CACNA2D1: variants seen among roughly 807,000 people sequenced by gnomAD.
CACNA2D1 encodes voltage-dependent calcium channel subunit alpha-2/delta-1.
Under a neutral mutation model 171.5 loss-of-function variants are expected in CACNA2D1, and 53 were observed. The observed-to-expected ratio is 0.31, with a 90% CI of 0.25 to 0.39. The LOEUF is 0.39. Among genes scored for constraint, CACNA2D1 ranks in the 10% least tolerant of loss-of-function variants. The pLI is 1.00. For missense variants in CACNA2D1, 903 were observed against 1,299.8 expected (o/e 0.69, Z 4.69); for synonymous variants, 442 against 443.1 (o/e 1.00, Z 0.03).
At chr7:82,366,704 C>A (rs1477345611) in intron 1 of CACNA2D1, among the ~76,000 whole-genome samples, 2 of 152,006 alleles carry the variant, frequency 1.3e-5, no homozygotes, top group Non-Finnish European at 2.9e-5. Flanking sequence ...GTCTCTTTGG[C>A]AGAATGATTT....
Position 81,984,623 on chromosome 7 carries a change from C to G in CACNA2D1, c.1873+12G>C. The G allele has an allele frequency of 6.8e-7, 1 of 1,478,830 alleles. No homozygotes were observed. 91.6% of individuals were successfully genotyped at this position (1,478,830 alleles called of 1,614,324 possible). On this transcript the variant is annotated intron_variant, in intron 22 of 38. Coordinates refer to ENST00000356860, the MANE Select transcript of CACNA2D1 (RefSeq NM_000722.4). The stretch of plus-strand genomic sequence containing the variant: ...AACAAATGGACCCTGAAGTCACTTT[C>G]ACAGTACTTACATCTGGCCTGAGTT...
At chr7:82,024,314 T>C (rs1305365710) in intron 12 of CACNA2D1, among the ~76,000 whole-genome samples, 2 of 151,692 alleles carry the variant, frequency 1.3e-5, no homozygotes, top group African/African-American at 4.8e-5. Flanking sequence ...CCCCAACACT[T>C]GTCTTTTGTT....
chr7:82,222,561 A>C (rs1398574013), intron 3 of CACNA2D1, among the ~76,000 whole-genome samples: 2 of 152,150 alleles, frequency 1.3e-5, no homozygotes, highest in African/African-American at 2.4e-5. Flanking sequence ...TCCTAATTGT[A>C]ACAGAAGAGC....
chr7:82,003,105 C>G (rs1028967156), intron 18 of CACNA2D1, among the ~76,000 whole-genome samples: 1 of 152,026 alleles, frequency 6.6e-6, no homozygotes, highest in African/African-American at 2.4e-5. Flanking sequence ...TTGTATCAAT[C>G]TGTATAGCGT....
rs774565705 is a variant in CACNA2D1, at chr7:82,000,771, C to CTTTTTTTTTTTTTTTTTTTTT, written c.1591-3542_1591-3522dup. Among the ~76,000 whole-genome samples the CTTTTTTTTTTTTTTTTTTTTT allele has an allele frequency of 7.7e-5, 4 of 51,912 alleles. 1 individual carries two copies. Among genetic ancestry groups the CTTTTTTTTTTTTTTTTTTTTT allele is most frequent in the South Asian group, 9.6e-4 (1 of 1,040 alleles). The allele number at this position is 51,912 out of a possible 152,430, so 34.1% of individuals were successfully genotyped here. On this transcript the variant is annotated intron_variant, in intron 18 of 38. Transcript: ENST00000356860. Reference sequence around the variant, plus strand: ...TACCATGCCTAACTAATTTTTCTTTCTTTTTTTTTTTTTTTTTTTTTTTTT... The same window carrying CTTTTTTTTTTTTTTTTTTTTT: ...TACCATGCCTAACTAATTTTTCTTTCTTTTTTTTTTTTTTTTTTTTTTTTTTTTTTTTTTTTTTTTTTTTTT...
Position 82,400,848 on chromosome 7 carries a change from C to G in CACNA2D1, c.95+42517G>C, listed in dbSNP as rs1030377069. 2.0e-5 allele frequency among the ~76,000 whole-genome samples: 3 copies of G among 151,366 alleles called. No individual in the cohort carries two copies. The East Asian group carries it at 5.9e-4, about 30-fold the overall frequency. ...ATCCAGAATCTACAATGAACTCAAA[C>G]AAATTTACAAGAAAAAAACAAACAA... On this transcript the variant is annotated intron_variant, in intron 1 of 38. Coordinates refer to ENST00000356860, the MANE Select transcript of CACNA2D1 (RefSeq NM_000722.4).
chr7:82,198,764 C>T (rs1233565769), intron 3 of CACNA2D1, among the ~76,000 whole-genome samples: 1 of 151,574 alleles, frequency 6.6e-6, no homozygotes, highest in African/African-American at 2.4e-5. Flanking sequence ...AAACCTTAAT[C>T]CTCTACTCTA....
intron 3 of CACNA2D1, among the ~76,000 whole-genome samples, chr7:82,229,584 C>A (rs1373866105): frequency 2.0e-5 from 3 of 152,110 alleles, no homozygotes; most frequent in Non-Finnish European, 4.4e-5. Context: ...TAGTTCACCT[C>A]CTAGGTGAAC....
intron 38 of CACNA2D1, among the ~76,000 whole-genome samples, chr7:81,958,448 T>TA (rs1256958048): frequency 6.6e-6 from 1 of 152,056 alleles, no homozygotes; most frequent in Non-Finnish European, 1.5e-5. Context: ...TAAAATTAGT[T>TA]AAAAAGAGGT....
intron 5 of CACNA2D1, among the ~76,000 whole-genome samples, chr7:82,128,331 A>G (rs1790577821): frequency 6.6e-6 from 1 of 152,180 alleles, no homozygotes; most frequent in African/African-American, 2.4e-5. Context: ...TCTATACTTA[A>G]TTTCAGCCAC....
chr7:82,078,311 T>A (rs2129002134), intron 7 of CACNA2D1, among the ~76,000 whole-genome samples: 1 of 152,276 alleles, frequency 6.6e-6, no homozygotes, highest in African/African-American at 2.4e-5. Flanking sequence ...GAGTAAGTGC[T>A]GGCTACATTG....
intron 27 of CACNA2D1, 39 bp downstream of exon 27, chr7:81,970,636 T>A: frequency 9.1e-7 from 1 of 1,095,748 alleles, no homozygotes; most frequent in Non-Finnish European, 1.4e-6. Context: ...CGCAGTCTTT[T>A]GTAATGTACT....
chr7:82,061,467 C>T (rs889273915), intron 9 of CACNA2D1, among the ~76,000 whole-genome samples: 2 of 152,132 alleles, frequency 1.3e-5, no homozygotes, highest in African/African-American at 4.8e-5. Flanking sequence ...TCTAGAAACA[C>T]ATCCTGACCT....
rs187219851 is a variant in CACNA2D1, at chr7:81,947,242, C to T, written c.*3150G>A. 19 of 151,730 alleles carry T rather than the reference C, an allele frequency of 1.3e-4. No homozygotes were observed. The highest frequency in any genetic ancestry group is 4.3e-4 in the African/African-American group (18 of 41,434). 9.4% of individuals were successfully genotyped at this position (151,730 alleles called of 1,614,324 possible). A position where few individuals can be genotyped will look rare whatever the true frequency, so the allele number is the denominator to read the frequency against. ...CAAAGGTCACTTAAAAGGGATACTG[C>T]CTATTTGAACCCGATAAGTCCAGTT... is the stretch of plus-strand genomic sequence containing the variant. On this transcript the variant is annotated 3_prime_UTR_variant, in exon 39 of 39. Transcript: ENST00000356860.
chr7:82,184,169 CTT>C (rs72155870), intron 3 of CACNA2D1, among the ~76,000 whole-genome samples: 230 of 127,384 alleles, frequency 1.8e-3, no homozygotes, highest in Non-Finnish European at 1.9e-3. Context: ...TCGGTTTCCT[CTT>C]TTTTTTTTTT....
At chr7:82,428,115 A>T (rs1267989888) in intron 1 of CACNA2D1, among the ~76,000 whole-genome samples, 5 of 152,110 alleles carry the variant, frequency 3.3e-5, no homozygotes, top group Non-Finnish European at 5.9e-5. Context: ...AATAAAAAAA[A>T]AACAAACAAA....
chr7:82,047,238 A>G (rs1015010418), intron 10 of CACNA2D1, among the ~76,000 whole-genome samples: 1 of 152,094 alleles, frequency 6.6e-6, no homozygotes, highest in Non-Finnish European at 1.5e-5. Context: ...TTTTTTGCAT[A>G]GCCCTCTAGA....
intron 1 of CACNA2D1, among the ~76,000 whole-genome samples, chr7:82,423,371 A>G (rs1828893841): frequency 6.6e-6 from 1 of 152,178 alleles, no homozygotes. Flanking sequence ...CTCAGAAGCC[A>G]TCAAAAGGGA....
chr7:82,005,982 G>T lies in CACNA2D1; in HGVS notation c.1441-143C>A, dbSNP rs75378300. 1,577 of 686,328 alleles carry T rather than the reference G, an allele frequency of 2.3e-3. 11 individuals carry two copies. The highest frequency in any genetic ancestry group is 0.019 in the East Asian group (704 of 36,862). 42.5% of individuals were successfully genotyped at this position (686,328 alleles called of 1,614,324 possible). ...ATATATAGGGTGAAGCACTCTCAGTGTCAATTTACAAGGATTCTCAGCTTT... is the reference window on the plus strand; with the variant it reads ...ATATATAGGGTGAAGCACTCTCAGTTTCAATTTACAAGGATTCTCAGCTTT... On this transcript the variant is annotated intron_variant, in intron 16 of 38. Transcript: ENST00000356860.
Sources: allele counts gnomAD v4.1 joint callset (sites outside exome capture counted in the v4.1 genomes callset), GRCh38; gene constraint gnomAD v4.1.1; transcripts MANE v1.5; gene names NCBI Gene and HGNC (gene_info 2026-07-23, HGNC 2026-07-21).